The following KLF17 variants were observed in gnomAD, a reference collection of about 807,000 sequenced individuals.
The protein encoded by KLF17 is KLF transcription factor 17, also known as Krueppel-like factor 17.
Under a neutral mutation model 34.2 loss-of-function variants are expected in KLF17, and 31 were observed. The ratio of observed to expected loss-of-function variants is 0.91; its 90% CI spans 0.68 to 1.22. The LOEUF is 1.22. Among genes scored for constraint, KLF17 ranks in the 50% most tolerant of loss-of-function variants. The pLI, the probability that KLF17 is intolerant of heterozygous loss-of-function variation, is 0.00. For missense variants in KLF17, 478 were observed against 505.2 expected (o/e 0.95, Z 0.52); for synonymous variants, 179 against 186.7 (o/e 0.96, Z 0.34).
intron 3 of KLF17, among the ~76,000 whole-genome samples, chr1:44,131,907 CTA>C (rs2088115330): frequency 6.6e-6 from 1 of 152,120 alleles, no homozygotes; most frequent in South Asian, 2.1e-4. Flanking sequence ...GTTGGCCAGA[CTA>C]ATCTCAAACT....
At chr1:44,056,828 C>T in the KLF17 span, among the ~76,000 whole-genome samples, 1 of 152,052 alleles carries the variant, frequency 6.6e-6, no homozygotes, top group Non-Finnish European at 1.5e-5. Context: ...TGTCATGACC[C>T]ACCACCAAGT....
the KLF17 span, chr1:44,105,456 A>G: frequency 0.29 from 43,935 of 151,808 alleles, 6,630 homozygotes; most frequent in South Asian, 0.34. Flanking sequence ...GGCAGACAGG[A>G]TGGCCAGAGG....
chr1:44,079,307 C>CTTTTTTT, the KLF17 span, among the ~76,000 whole-genome samples: 1,106 of 140,860 alleles, frequency 7.9e-3, 23 homozygotes, highest in African/African-American at 0.027. Context: ...TTTTCTTCTC[C>CTTTTTTT]TTTTTTTTTT....
chr1:44,046,915 C>T, the KLF17 span, among the ~76,000 whole-genome samples: 1 of 151,326 alleles, frequency 6.6e-6, no homozygotes, highest in Non-Finnish European at 1.5e-5. Context: ...CCCAGCTACT[C>T]AGGAGGCTGA....
At chr1:44,057,905 G>A in the KLF17 span, among the ~76,000 whole-genome samples, 1 of 152,218 alleles carries the variant, frequency 6.6e-6, no homozygotes, top group Non-Finnish European at 1.5e-5. Flanking sequence ...ATACCATGGG[G>A]AAGACTGGCA....
At chr1:44,093,568 T>A in the KLF17 span, among the ~76,000 whole-genome samples, 1 of 152,184 alleles carries the variant, frequency 6.6e-6, no homozygotes. Context: ...CTAATTTTTG[T>A]ATTTTTAGTA....
chr1:44,120,342 C>T (rs995427148), intron 1 of KLF17, among the ~76,000 whole-genome samples: 6 of 152,184 alleles, frequency 3.9e-5, no homozygotes, highest in African/African-American at 7.2e-5. Flanking sequence ...AAACCACTGG[C>T]ATGGGGAAGC....
At chr1:44,125,165 A>G (rs2087993455) in intron 1 of KLF17, among the ~76,000 whole-genome samples, 1 of 152,170 alleles carries the variant, frequency 6.6e-6, no homozygotes, top group Non-Finnish European at 1.5e-5. Flanking sequence ...GCTACTATCT[A>G]GTGTCATTTC....
chr1:44,124,529 C>G (rs947665863), intron 1 of KLF17, among the ~76,000 whole-genome samples: 8 of 145,868 alleles, frequency 5.5e-5, no homozygotes, highest in Non-Finnish European at 9.0e-5. Flanking sequence ...TGGAGTCTCA[C>G]TGTCGCCCAG....
At chr1:44,128,568 A>G (rs1051524986) in intron 1 of KLF17, among the ~76,000 whole-genome samples, 4 of 151,698 alleles carry the variant, frequency 2.6e-5, no homozygotes, top group Admixed American at 2.6e-4. Flanking sequence ...GGCAGTTCCC[A>G]CTCAGGGCAG....
the KLF17 span, among the ~76,000 whole-genome samples, chr1:44,091,575 G>A: frequency 7.0e-6 from 1 of 141,956 alleles, no homozygotes; most frequent in East Asian, 2.1e-4. Flanking sequence ...AGAATCTCTT[G>A]AACCTGGGAG....
chr1:44,122,485 A>T, intron 1 of KLF17: 1 of 1,104,770 alleles, frequency 9.1e-7, no homozygotes, highest in Non-Finnish European at 1.4e-6. Context: ...TCATGACTCA[A>T]TTTCATCAAA....
intron 1 of KLF17, among the ~76,000 whole-genome samples, chr1:44,127,637 TC>T (rs1185067147): frequency 7.2e-3 from 176 of 24,392 alleles, no homozygotes; most frequent in Middle Eastern, 0.015. Context: ...TTCTTTTCTT[TC>T]CTTCTTTCTT....
At chr1:44,099,885 GAAA>G in the KLF17 span, among the ~76,000 whole-genome samples, 2 of 57,722 alleles carry the variant, frequency 3.5e-5, no homozygotes, top group Non-Finnish European at 7.9e-5. Context: ...AAGAAAGAAA[GAAA>G]GAAAGAAAGA....
At chr1:44,065,180 C>T in the KLF17 span, among the ~76,000 whole-genome samples, 6 of 151,482 alleles carry the variant, frequency 4.0e-5, no homozygotes, top group African/African-American at 1.2e-4. Context: ...CTCAGCTACT[C>T]GGGAAGCTGA....
intron 1 of KLF17, among the ~76,000 whole-genome samples, chr1:44,127,659 T>TTTCA (rs2088032657): frequency 2.5e-5 from 1 of 40,252 alleles, no homozygotes; most frequent in African/African-American, 7.3e-5. Context: ...TCTTTCTTTC[T>TTTCA]TTCTTTCTTT....
At chr1:44,099,675 G>C in the KLF17 span, among the ~76,000 whole-genome samples, 9 of 151,044 alleles carry the variant, frequency 6.0e-5, no homozygotes, top group Non-Finnish European at 1.0e-4. Flanking sequence ...TTAGCTGGGT[G>C]TGGTGGTGCA....
At chr1:44,099,853 GAAA>G in the KLF17 span, among the ~76,000 whole-genome samples, 10 of 39,946 alleles carry the variant, frequency 2.5e-4, 1 homozygote, top group African/African-American at 7.5e-4. Flanking sequence ...AAGAAAGAAA[GAAA>G]GAAAGAAAGA....
At chr1:44,097,109 G>A in the KLF17 span, among the ~76,000 whole-genome samples, 1 of 152,084 alleles carries the variant, frequency 6.6e-6, no homozygotes, top group Non-Finnish European at 1.5e-5. Flanking sequence ...GTTTGTTTTT[G>A]TCGGGTTGAT....
Sources: allele counts gnomAD v4.1 joint callset (sites outside exome capture counted in the v4.1 genomes callset), GRCh38; gene constraint gnomAD v4.1.1; transcripts MANE v1.5; gene names NCBI Gene and HGNC (gene_info 2026-07-23, HGNC 2026-07-21).